GALNT13: variants seen among roughly 807,000 people sequenced by gnomAD.
GALNT13 encodes polypeptide N-acetylgalactosaminyltransferase 13.
A neutral mutation model predicts 64.2 loss-of-function variants in GALNT13; 28 were observed. The observed-to-expected ratio is 0.44, with a 90% confidence interval of 0.32 to 0.60. GALNT13 has a LOEUF of 0.60. Ranked by LOEUF, GALNT13 falls within the 20% of genes least tolerant of loss-of-function variation. The pLI, the probability that GALNT13 is intolerant of heterozygous loss-of-function variation, is 0.05. For synonymous variants in GALNT13, 214 were observed against 224.6 expected (o/e 0.95, Z 0.42); for missense variants, 577 against 669.8 (o/e 0.86, Z 1.53).
chr2:153,131,818 C>A, the GALNT13 span, among the ~76,000 whole-genome samples: 1 of 152,070 alleles, frequency 6.6e-6, no homozygotes, highest in Non-Finnish European at 1.5e-5. Context: ...CTAATGGAAG[C>A]TCAACAAGCA....
At chr2:153,266,538 AAAG>A in the GALNT13 span, among the ~76,000 whole-genome samples, 1 of 151,550 alleles carries the variant, frequency 6.6e-6, no homozygotes, top group African/African-American at 2.4e-5. Flanking sequence ...AGTGGAAGGC[AAAG>A]GAGAAGCAAG....
the GALNT13 span, among the ~76,000 whole-genome samples, chr2:153,783,265 G>A: frequency 6.6e-6 from 1 of 152,172 alleles, no homozygotes; most frequent in African/African-American, 2.4e-5. Context: ...TAGTATTATA[G>A]TGGGAGAGAG....
chr2:153,814,190 C>A, the GALNT13 span, among the ~76,000 whole-genome samples: 1 of 152,198 alleles, frequency 6.6e-6, no homozygotes, highest in South Asian at 2.1e-4. Flanking sequence ...CCTGTAATCC[C>A]AGCACTTTAG....
At chr2:153,563,287 G>T in the GALNT13 span, among the ~76,000 whole-genome samples, 2 of 151,932 alleles carry the variant, frequency 1.3e-5, no homozygotes, top group East Asian at 3.9e-4. Flanking sequence ...TCATTTTGAG[G>T]TTTTTCTTTG....
chr2:153,079,864 G>A, the GALNT13 span, among the ~76,000 whole-genome samples: 21 of 152,276 alleles, frequency 1.4e-4, no homozygotes, highest in South Asian at 6.2e-4. Flanking sequence ...CTATGGGCAA[G>A]GTGTTTTTAC....
At chr2:153,989,605 G>A (rs192899214) in intron 3 of GALNT13, among the ~76,000 whole-genome samples, 154 of 152,004 alleles carry the variant, frequency 1.0e-3, no homozygotes, top group African/African-American at 3.5e-3. Context: ...GGTGGATTAC[G>A]TAAGGAAAGG....
At chr2:153,170,547 G>T in the GALNT13 span, among the ~76,000 whole-genome samples, 1 of 152,156 alleles carries the variant, frequency 6.6e-6, no homozygotes, top group African/African-American at 2.4e-5. Flanking sequence ...ATTAACTTAA[G>T]CAGCTGGCTA....
chr2:153,569,332 T>C, the GALNT13 span, among the ~76,000 whole-genome samples: 5 of 152,106 alleles, frequency 3.3e-5, no homozygotes, highest in African/African-American at 1.2e-4. Context: ...ACTTTTAATA[T>C]ATTTATTAAA....
the GALNT13 span, among the ~76,000 whole-genome samples, chr2:153,758,532 T>C: frequency 6.6e-6 from 1 of 152,180 alleles, no homozygotes; most frequent in Admixed American, 6.6e-5. Context: ...GAAAAATGAA[T>C]TTACATTTCG....
Position 153,923,149 on chromosome 2 carries a change from G to A in GALNT13, c.-104-21245G>A, listed in dbSNP as rs527999700. On this transcript the variant is annotated intron_variant, in intron 2 of 12. Coordinates refer to ENST00000392825, the MANE Select transcript of GALNT13 (RefSeq NM_052917.4). ...TCCTGACCTCAGGTGATCCTCCCAC[G>A]TCGGCCTCCCAAAGTGCTGGAATTA... Among the ~76,000 whole-genome samples, 10 of 151,988 alleles carry A rather than the reference G, an allele frequency of 6.6e-5. No homozygotes were observed. The South Asian group carries it at 1.9e-3, about 28-fold the overall frequency.
intron 3 of GALNT13, among the ~76,000 whole-genome samples, chr2:153,988,472 G>C (rs1574273966): frequency 6.6e-6 from 1 of 151,790 alleles, no homozygotes; most frequent in Non-Finnish European, 1.5e-5. Context: ...TGTCCTCCAG[G>C]TTAATCCACA....
the GALNT13 span, among the ~76,000 whole-genome samples, chr2:153,426,092 GA>G: frequency 6.6e-6 from 1 of 151,782 alleles, no homozygotes; most frequent in Non-Finnish European, 1.5e-5. Flanking sequence ...TAGTGAGAGT[GA>G]AAATAATTTG....
chr2:153,317,491 G>T, the GALNT13 span, among the ~76,000 whole-genome samples: 3 of 152,144 alleles, frequency 2.0e-5, no homozygotes, highest in African/African-American at 7.2e-5. Flanking sequence ...TGTTGAGGTG[G>T]TTTCTGATTC....
chr2:153,216,225 G>A, the GALNT13 span, among the ~76,000 whole-genome samples: 5 of 151,954 alleles, frequency 3.3e-5, no homozygotes, highest in Admixed American at 6.6e-5. Flanking sequence ...CCATTTTCCA[G>A]TTGTTTCAGG....
At chr2:154,380,037 GAATA>G (rs1460461395) in intron 9 of GALNT13, among the ~76,000 whole-genome samples, 1 of 151,830 alleles carries the variant, frequency 6.6e-6, no homozygotes, top group African/African-American at 2.4e-5. Context: ...TCAAAAAGTG[GAATA>G]AATAAGACAG....
At chr2:153,522,208 C>A in the GALNT13 span, among the ~76,000 whole-genome samples, 2 of 152,046 alleles carry the variant, frequency 1.3e-5, no homozygotes, top group South Asian at 4.2e-4. Context: ...GTGGCACGTG[C>A]CTGTAGCCCA....
the GALNT13 span, among the ~76,000 whole-genome samples, chr2:153,187,907 C>G: frequency 2.0e-5 from 3 of 151,822 alleles, no homozygotes; most frequent in Non-Finnish European, 4.4e-5. Context: ...AGGATTTATT[C>G]CAGGAATATA....
At chr2:153,455,568 C>G in the GALNT13 span, among the ~76,000 whole-genome samples, 3 of 152,218 alleles carry the variant, frequency 2.0e-5, no homozygotes, top group Non-Finnish European at 4.4e-5. Flanking sequence ...GGTACAGGAA[C>G]CAGACGGATG....
intron 2 of GALNT13, among the ~76,000 whole-genome samples, chr2:153,943,703 C>T (rs1351103407): frequency 6.6e-6 from 1 of 152,116 alleles, no homozygotes; most frequent in Non-Finnish European, 1.5e-5. Context: ...CCATGTTGGC[C>T]AGACTGGTCT....
Sources: gnomAD v4.1 joint callset for allele counts (sites outside exome capture counted in the v4.1 genomes callset) on GRCh38, gnomAD v4.1.1 for gene constraint, MANE v1.5 for transcripts, NCBI Gene and HGNC (gene_info 2026-07-23, HGNC 2026-07-21) for gene names.